Variants in SULT6B1 observed in about 807,000 individuals in gnomAD.
The protein encoded by SULT6B1 is sulfotransferase family 6B member 1, also known as sulfotransferase 6B1.
Under a neutral mutation model 37.2 loss-of-function variants are expected in SULT6B1, and 44 were observed. The ratio of observed to expected loss-of-function variants is 1.18; its 90% CI spans 0.93 to 1.52. The LOEUF (loss-of-function observed/expected upper bound fraction) is 1.52. Ranked by LOEUF, SULT6B1 falls within the 40% of genes most tolerant of loss-of-function variation. The pLI is 0.00. For missense variants in SULT6B1, 450 were observed against 361.0 expected (o/e 1.25, Z -2.00); for synonymous variants, 140 against 126.0 (o/e 1.11, Z -0.74).
intron 4 of SULT6B1, among the ~76,000 whole-genome samples, chr2:37,178,663 A>G (rs140402440): frequency 6.6e-6 from 1 of 152,248 alleles, no homozygotes; most frequent in African/African-American, 2.4e-5. Context: ...GAGCATTAAT[A>G]GACACTTAGA....
At chr2:37,193,775 C>T (rs970265657) in intron 1 of SULT6B1, among the ~76,000 whole-genome samples, 1 of 152,184 alleles carries the variant, frequency 6.6e-6, no homozygotes, top group Non-Finnish European at 1.5e-5. Context: ...GTCCCTATGG[C>T]CACTACAGAA....
At chr2:37,179,703 A>G (rs1676509576) in intron 3 of SULT6B1, 119 bp from the exon 4 acceptor site, 1 of 884,788 alleles carries the variant, frequency 1.1e-6, no homozygotes, top group African/African-American at 1.7e-5. Context: ...TAATATATAG[A>G]GAAAGAATGA....
At chr2:37,178,535 T>C (rs1251869945) in intron 4 of SULT6B1, among the ~76,000 whole-genome samples, 1 of 152,106 alleles carries the variant, frequency 6.6e-6, no homozygotes, top group East Asian at 1.9e-4. Flanking sequence ...TGTGCCTGTC[T>C]GATTTATATT....
chr2:37,180,511 T>G (rs888522138), intron 3 of SULT6B1, among the ~76,000 whole-genome samples: 2 of 152,180 alleles, frequency 1.3e-5, no homozygotes, highest in African/African-American at 4.8e-5. Context: ...GGTTTTAGAT[T>G]AGTAGGTGGA....
upstream of SULT6B1, chr2:37,191,302 G>C (rs963844978): frequency 6.7e-6 from 1 of 148,502 alleles, no homozygotes; most frequent in African/African-American, 2.5e-5. Flanking sequence ...TGAGGAGAGA[G>C]ATTTTTAGGA....
At position 37,194,392 on chromosome 2, in the gene SULT6B1, A is replaced by G. The variant is rs573894337; in HGVS notation, c.-22+2124T>C. 2.5e-4 allele frequency: 97 copies of G among 390,050 alleles called. 4 individuals carry two copies. Among genetic ancestry groups the G allele is most frequent in the South Asian group, 2.0e-3 (96 of 47,578 alleles). 24.2% of individuals were successfully genotyped at this position (390,050 alleles called of 1,614,324 possible). Reference sequence around the variant, plus strand: ...ACCGTGCCTGGCTGACTATCTGTAGATTTTTGAAAGTGGTAACAGGTACAT... The same window carrying G: ...ACCGTGCCTGGCTGACTATCTGTAGGTTTTTGAAAGTGGTAACAGGTACAT... On this transcript the variant is annotated intron_variant, in intron 1 of 7. Coordinates refer to the SULT6B1 transcript ENST00000407963.
chr2:37,168,054 C>T lies in SULT6B1; in HGVS notation c.793G>A (p.Asp265Asn). 1 of 1,591,326 alleles carries T rather than the reference C, an allele frequency of 6.3e-7. No homozygotes were observed. The highest frequency in any genetic ancestry group is 8.5e-7 in the Non-Finnish European group (1 of 1,174,182). ...PFLFRKGEVG[D>N]WKNLFSEIQN... ...ATTTCACTGAACAAATTTTTCCAAT[C>T]ACCAACTTCACCTACAACACACAAA... is the stretch of plus-strand genomic sequence containing the variant. The change falls in exon 7 of 7, where the codon GAT (aspartate) becomes AAT (asparagine). Residue 265 changes from aspartate (D) to asparagine (N), a missense_variant. Transcript: ENST00000535679.
chr2:37,170,930 A>G (rs1001140654), intron 6 of SULT6B1, among the ~76,000 whole-genome samples: 8 of 151,856 alleles, frequency 5.3e-5, no homozygotes, highest in African/African-American at 1.9e-4. Flanking sequence ...TCAACCGCAG[A>G]AAGGACCCTA....
chr2:37,174,139 A>C (rs1676363192), intron 5 of SULT6B1, among the ~76,000 whole-genome samples: 1 of 150,466 alleles, frequency 6.6e-6, no homozygotes, highest in Non-Finnish European at 1.5e-5. Flanking sequence ...GCTCTTCCCC[A>C]GTTACCTACT....
At chr2:37,169,633 C>T (rs568382268) in intron 6 of SULT6B1, among the ~76,000 whole-genome samples, 27 of 152,164 alleles carry the variant, frequency 1.8e-4, no homozygotes, top group Non-Finnish European at 2.2e-4. Context: ...GAATTACAGG[C>T]GCCCGCCACC....
upstream of SULT6B1, chr2:37,191,039 G>C (rs1301888249): frequency 6.6e-6 from 1 of 152,148 alleles, no homozygotes; most frequent in Non-Finnish European, 1.5e-5. Flanking sequence ...AAGAAAGTGA[G>C]TGATTAAAAG....
chr2:37,179,587 A>C lies in SULT6B1; in HGVS notation c.403-3T>G. The C allele has an allele frequency of 1.2e-6, 2 of 1,607,580 alleles. No homozygotes were observed. The highest frequency in any genetic ancestry group is 1.7e-4 in the Middle Eastern group (1 of 6,046). ...GGGTTTCGAAATATCACCAATATCT[A>C]GGGAGCAAAAATTGAGTTAATTTAT... On this transcript the variant is annotated splice_polypyrimidine_tract_variant and splice_region_variant and intron_variant, in intron 3 of 6. Coordinates refer to ENST00000535679, the MANE Select transcript of SULT6B1 (RefSeq NM_001367551.1).
intron 4 of SULT6B1, among the ~76,000 whole-genome samples, chr2:37,176,341 C>T (rs1449836094): frequency 1.4e-5 from 2 of 141,434 alleles, no homozygotes; most frequent in African/African-American, 5.2e-5. Context: ...CAGCTCACTG[C>T]AACCTCTGCC....
intron 1 of SULT6B1, among the ~76,000 whole-genome samples, chr2:37,194,919 T>C (rs1398033472): frequency 6.4e-4 from 31 of 48,316 alleles, no homozygotes; most frequent in East Asian, 2.6e-3. Context: ...CTTCCTTCCT[T>C]CCTTCCTTCC....
At chr2:37,187,742 A>G (rs1676705040) in intron 1 of SULT6B1, among the ~76,000 whole-genome samples, 2 of 152,230 alleles carry the variant, frequency 1.3e-5, no homozygotes, top group African/African-American at 4.8e-5. Context: ...TGTTTCTTAT[A>G]GGACAATGTT....
intron 6 of SULT6B1, among the ~76,000 whole-genome samples, chr2:37,169,188 T>G (rs1676242604): frequency 1.3e-5 from 2 of 152,172 alleles, no homozygotes; most frequent in Admixed American, 1.3e-4. Context: ...TAATTAACAA[T>G]AGATAGAAAG....
chr2:37,168,173 G>A, intron 6 of SULT6B1, 108 bp from the exon 7 acceptor site: 1 of 1,140,448 alleles, frequency 8.8e-7, no homozygotes, highest in Non-Finnish European at 1.2e-6. Flanking sequence ...ATGGACACAT[G>A]GAAAAAAGCT....
chr2:37,190,762 G>T (rs1200542763), upstream of SULT6B1, among the ~76,000 whole-genome samples: 1 of 152,062 alleles, frequency 6.6e-6, no homozygotes, highest in South Asian at 2.1e-4. Context: ...CAGGATGCAG[G>T]GTCTGTATGT....
intron 1 of SULT6B1, 49 bp downstream of exon 1, chr2:37,188,393 A>G (rs1482325465): frequency 2.6e-6 from 4 of 1,515,850 alleles, no homozygotes; most frequent in Non-Finnish European, 3.6e-6. Context: ...ACCCTCCCCA[A>G]CCTACTCACT....
Sources: allele counts gnomAD v4.1 joint callset (sites outside exome capture counted in the v4.1 genomes callset), GRCh38; gene constraint gnomAD v4.1.1; transcripts MANE v1.5; gene names NCBI Gene and HGNC (gene_info 2026-07-23, HGNC 2026-07-21).